The following LTBP1 variants were observed in gnomAD, a reference collection of about 807,000 sequenced individuals.
LTBP1 encodes latent transforming growth factor beta binding protein 1, also known as latent-transforming growth factor beta-binding protein 1.
In LTBP1, 129 loss-of-function variants were observed where a neutral mutation model predicts 207.6. The ratio of observed to expected loss-of-function variants is 0.62; its 90% CI spans 0.54 to 0.72. The LOEUF is 0.72. Ranked by LOEUF, LTBP1 falls within the 30% of genes least tolerant of loss-of-function variation. The pLI is 0.00. For synonymous variants in LTBP1, 963 were observed against 833.7 expected (o/e 1.16, Z -2.67); for missense variants, 2,281 against 2,217.2 (o/e 1.03, Z -0.58).
At position 33,273,698 on chromosome 2, in the gene LTBP1, G is replaced by T. The variant is rs750625806; in HGVS notation, c.2660G>T (p.Gly887Val). Residue 887 changes from glycine to valine, a missense_variant, in exon 16 of 34, where the codon GGA (glycine) becomes GTA (valine). Transcript: ENST00000404816. Reference protein sequence around the residue: ...CTVNPDICGAGHCINLPVRYT... With the variant: ...CTVNPDICGAVHCINLPVRYT... The stretch of plus-strand genomic sequence containing the variant: ...GTGAACCCTGATATCTGTGGAGCAG[G>T]ACACTGCATTAACCTACCAGTGAGA... 3 of 1,611,166 alleles carry T rather than the reference G, an allele frequency of 1.9e-6. No individual in the cohort carries two copies. The highest frequency in any genetic ancestry group is 2.2e-5 in the East Asian group (1 of 44,726).
At chr2:33,075,574 T>C (rs1397263463) in intron 3 of LTBP1, among the ~76,000 whole-genome samples, 2 of 152,220 alleles carry the variant, frequency 1.3e-5, no homozygotes, top group Non-Finnish European at 2.9e-5. Flanking sequence ...AAAAATTCCT[T>C]CCCACTTTCT....
intron 1 of LTBP1, 35 bp downstream of exon 1, chr2:32,947,853 C>G: frequency 7.8e-7 from 1 of 1,276,626 alleles, no homozygotes; most frequent in Non-Finnish European, 9.9e-7. Context: ...GCCCGCCCGC[C>G]TCGCGCGCAC....
intron 2 of LTBP1, among the ~76,000 whole-genome samples, chr2:32,992,002 T>G (rs1387916120): frequency 6.6e-6 from 1 of 152,222 alleles, no homozygotes; most frequent in Non-Finnish European, 1.5e-5. Context: ...CTCCTGCTTA[T>G]AGGGAATTCT....
intron 31 of LTBP1, among the ~76,000 whole-genome samples, chr2:33,386,833 T>TTC (rs1237037430): frequency 2.7e-5 from 4 of 149,076 alleles, no homozygotes; most frequent in African/African-American, 9.9e-5. Context: ...ACCCTTTTTT[T>TTC]TTTTTTTTTT....
chr2:33,268,061 G>T (rs1573524246), intron 15 of LTBP1, among the ~76,000 whole-genome samples: 1 of 152,202 alleles, frequency 6.6e-6, no homozygotes, highest in South Asian at 2.1e-4. Flanking sequence ...TGTAGTAAAA[G>T]AATATTTCTG....
intron 7 of LTBP1, among the ~76,000 whole-genome samples, chr2:33,196,927 C>G (rs2088631809): frequency 6.6e-6 from 1 of 152,144 alleles, no homozygotes; most frequent in Non-Finnish European, 1.5e-5. Context: ...GAGGACATTT[C>G]TTTGGATTGC....
intron 7 of LTBP1, among the ~76,000 whole-genome samples, chr2:33,214,151 T>G (rs2090516567): frequency 2.6e-5 from 4 of 152,184 alleles, no homozygotes; most frequent in Admixed American, 2.6e-4. Flanking sequence ...TGTGAACTGG[T>G]GTCTTACATA....
At chr2:33,230,567 A>C (rs1421961635) in intron 9 of LTBP1, among the ~76,000 whole-genome samples, 1 of 152,202 alleles carries the variant, frequency 6.6e-6, no homozygotes, top group Non-Finnish European at 1.5e-5. Context: ...TTATTATGCT[A>C]TAAAGGTCTG....
chr2:33,019,952 G>A (rs952548747), intron 2 of LTBP1, among the ~76,000 whole-genome samples: 4 of 149,946 alleles, frequency 2.7e-5, no homozygotes. Flanking sequence ...GGGCTCAAGC[G>A]ATCCTCCCAC....
intron 3 of LTBP1, among the ~76,000 whole-genome samples, chr2:33,097,609 C>T (rs1232755028): frequency 1.3e-5 from 2 of 152,044 alleles, no homozygotes; most frequent in Non-Finnish European, 1.5e-5. Flanking sequence ...ATAATGGTAC[C>T]ACTCTCCTTC....
At chr2:33,056,976 C>T (rs1378864019) in intron 3 of LTBP1, among the ~76,000 whole-genome samples, 8 of 152,036 alleles carry the variant, frequency 5.3e-5, no homozygotes, top group South Asian at 2.1e-4. Context: ...CTGATTGGTG[C>T]GTTTACAATC....
intron 24 of LTBP1, among the ~76,000 whole-genome samples, chr2:33,322,990 G>A (rs142011548): frequency 5.3e-5 from 8 of 152,200 alleles, no homozygotes; most frequent in East Asian, 1.9e-4. Context: ...CAGTGAGATC[G>A]GGATTGTTTT....
chr2:33,265,468 AATAG>A (rs1388049431), intron 15 of LTBP1, among the ~76,000 whole-genome samples: 5 of 152,232 alleles, frequency 3.3e-5, no homozygotes, highest in Non-Finnish European at 7.3e-5. Context: ...ACTACAGGGA[AATAG>A]ATAATTATGT....
At chr2:33,010,373 G>A (rs984567205) in intron 2 of LTBP1, among the ~76,000 whole-genome samples, 4 of 152,128 alleles carry the variant, frequency 2.6e-5, no homozygotes, top group African/African-American at 4.8e-5. Context: ...AGAGTGCATG[G>A]GTGTGTGGGG....
intron 24 of LTBP1, among the ~76,000 whole-genome samples, chr2:33,341,659 C>T (rs1409115039): frequency 5.6e-5 from 8 of 142,358 alleles, no homozygotes; most frequent in Admixed American, 5.0e-4. Flanking sequence ...TGCAGTGAGC[C>T]GAGATTGCGC....
At chr2:33,121,346 A>G (rs910976952) in intron 4 of LTBP1, among the ~76,000 whole-genome samples, 1 of 152,042 alleles carries the variant, frequency 6.6e-6, no homozygotes, top group African/African-American at 2.4e-5. Context: ...ATTACTTGTA[A>G]GTCCTTGTAT....
chr2:32,967,246 T>A (rs6744670), intron 2 of LTBP1, among the ~76,000 whole-genome samples: 276 of 152,254 alleles, frequency 1.8e-3, no homozygotes, highest in African/African-American at 6.4e-3. Context: ...ATCAATTATA[T>A]TGATGATTTC....
chr2:33,333,254 G>A (rs192898830), intron 24 of LTBP1, among the ~76,000 whole-genome samples: 16 of 151,646 alleles, frequency 1.1e-4, no homozygotes, highest in Middle Eastern at 3.4e-3. Flanking sequence ...TTTCTTAGTG[G>A]TTCAGAAAAT....
intron 3 of LTBP1, among the ~76,000 whole-genome samples, chr2:33,027,034 T>G (rs2075449671): frequency 6.6e-6 from 1 of 152,238 alleles, no homozygotes; most frequent in South Asian, 2.1e-4. Context: ...ACGGTGTGTT[T>G]TTTTTCACTC....
Sources: allele counts gnomAD v4.1 joint callset (sites outside exome capture counted in the v4.1 genomes callset), GRCh38; gene constraint gnomAD v4.1.1; transcripts MANE v1.5; gene names NCBI Gene and HGNC (gene_info 2026-07-23, HGNC 2026-07-21).